The following BMPR1B variants were observed in gnomAD, a reference collection of about 807,000 sequenced individuals.
The protein encoded by BMPR1B is bone morphogenetic protein receptor type 1B.
In BMPR1B, 12 loss-of-function variants were observed where a neutral mutation model predicts 59.1. The observed-to-expected ratio is 0.20, with a 90% confidence interval of 0.13 to 0.33. The LOEUF (loss-of-function observed/expected upper bound fraction) is 0.33. BMPR1B is among the 10% of genes least tolerant of loss of function. BMPR1B has a pLI of 1.00. For missense variants in BMPR1B, 550 were observed against 610.9 expected (o/e 0.90, Z 1.05); for synonymous variants, 237 against 207.3 (o/e 1.14, Z -1.23).
intron 2 of BMPR1B, among the ~76,000 whole-genome samples, chr4:94,879,823 G>A (rs1189832512): frequency 6.6e-6 from 1 of 152,026 alleles, no homozygotes; most frequent in African/African-American, 2.4e-5. Flanking sequence ...ATACTACACA[G>A]TGAAAAATCA....
At chr4:95,102,921 G>A (rs1028607697) in intron 3 of BMPR1B, among the ~76,000 whole-genome samples, 1 of 152,090 alleles carries the variant, frequency 6.6e-6, no homozygotes, top group Middle Eastern at 3.4e-3. Context: ...TTCCTGGCTC[G>A]CCTCTGACCT....
At position 94,934,178 on chromosome 4, in the gene BMPR1B, C is replaced by T. The variant is rs10017715; in HGVS notation, c.-113+58278C>T. Among the ~76,000 whole-genome samples the T allele has an allele frequency of 7.4e-3, 1,125 of 152,210 alleles. 16 individuals are homozygous for T. The highest frequency in any genetic ancestry group is 0.026 in the African/African-American group (1,078 of 41,534). ...TATTTAGTCAAGTGTTCAATCTTCC[C>T]ATGAAATACTTCAGAGATTCATCAT... On this transcript the variant is annotated intron_variant, in intron 2 of 12. Coordinates refer to ENST00000515059, the MANE Select transcript of BMPR1B (RefSeq NM_001203.3).
intron 3 of BMPR1B, among the ~76,000 whole-genome samples, chr4:95,072,956 A>G (rs1728428933): frequency 6.6e-6 from 1 of 152,134 alleles, no homozygotes; most frequent in Non-Finnish European, 1.5e-5. Context: ...ATTTTCTTCA[A>G]ATTTGACCAA....
At chr4:94,965,421 A>G (rs933541865) in intron 2 of BMPR1B, among the ~76,000 whole-genome samples, 1 of 152,152 alleles carries the variant, frequency 6.6e-6, no homozygotes, top group African/African-American at 2.4e-5. Context: ...ATTTCTTATA[A>G]CTGGAGAAAT....
intron 8 of BMPR1B, among the ~76,000 whole-genome samples, chr4:95,127,020 G>T (rs898406817): frequency 2.3e-5 from 3 of 131,556 alleles, no homozygotes; most frequent in Non-Finnish European, 1.7e-5. Flanking sequence ...AAATAATATC[G>T]TAGGGCTGTT....
intron 2 of BMPR1B, among the ~76,000 whole-genome samples, chr4:94,932,945 A>G (rs1434342390): frequency 3.9e-5 from 6 of 152,098 alleles, no homozygotes; most frequent in African/African-American, 1.2e-4. Flanking sequence ...TCAAACTGCT[A>G]TAGTAGCTAC....
intron 2 of BMPR1B, among the ~76,000 whole-genome samples, chr4:94,976,888 C>T (rs193249846): frequency 4.6e-5 from 7 of 152,206 alleles, no homozygotes; most frequent in African/African-American, 4.8e-5. Flanking sequence ...TTGGCTCCTC[C>T]TGTTTGTTCT....
chr4:95,101,725 C>T (rs1249520759), intron 3 of BMPR1B, among the ~76,000 whole-genome samples: 1 of 152,128 alleles, frequency 6.6e-6, no homozygotes, highest in East Asian at 1.9e-4. Flanking sequence ...CTAACTTTCT[C>T]CTACAGTTTC....
chr4:94,794,597 A>G (rs1372781331), intron 1 of BMPR1B, among the ~76,000 whole-genome samples: 3 of 142,416 alleles, frequency 2.1e-5, no homozygotes, highest in Non-Finnish European at 4.6e-5. Context: ...TGAATCTGTA[A>G]ATTACCTTGG....
chr4:94,767,168 T>C (rs182637843), intron 1 of BMPR1B, among the ~76,000 whole-genome samples: 3 of 152,286 alleles, frequency 2.0e-5, no homozygotes, highest in Admixed American at 1.3e-4. Context: ...ATTTATATAA[T>C]GTTGAGATGA....
rs1379952887 is a variant in BMPR1B, at chr4:95,156,138, A to G, written c.*1465A>G. The G allele has an allele frequency of 6.6e-6, 1 of 152,094 alleles. No homozygotes were observed. The highest frequency in any genetic ancestry group is 6.5e-5 in the Admixed American group (1 of 15,282). The allele number at this position is 152,094 out of a possible 1,614,324, so 9.4% of individuals were successfully genotyped here. A position where few individuals can be genotyped will look rare whatever the true frequency, so the allele number is the denominator to read the frequency against. On this transcript the variant is annotated 3_prime_UTR_variant, in exon 13 of 13. Transcript: ENST00000515059. ...TTCTACAGGGTTTTAACTTTGGAGCAACATGAATAAAATCATCGAGAAGGC... is the reference window on the plus strand; with the variant it reads ...TTCTACAGGGTTTTAACTTTGGAGCGACATGAATAAAATCATCGAGAAGGC...
chr4:94,855,051 A>C (rs1009312234), intron 1 of BMPR1B, among the ~76,000 whole-genome samples: 10 of 152,202 alleles, frequency 6.6e-5, no homozygotes, highest in Non-Finnish European at 1.5e-4. Context: ...GTGCAAAAAA[A>C]TTGTAAACAA....
chr4:95,069,566 A>C (rs1051815578), intron 3 of BMPR1B, among the ~76,000 whole-genome samples: 3 of 151,882 alleles, frequency 2.0e-5, no homozygotes, highest in Non-Finnish European at 2.9e-5. Flanking sequence ...AATCATGACT[A>C]CTCCCAATAA....
intron 3 of BMPR1B, among the ~76,000 whole-genome samples, chr4:95,042,823 T>C (rs534840949): frequency 4.7e-4 from 71 of 152,172 alleles, no homozygotes; most frequent in Non-Finnish European, 9.6e-4. Flanking sequence ...CTGGTTCAGT[T>C]TCTTGCCTGA....
chr4:94,795,610 T>C (rs926808521), intron 1 of BMPR1B, among the ~76,000 whole-genome samples: 1 of 151,926 alleles, frequency 6.6e-6, no homozygotes, highest in Non-Finnish European at 1.5e-5. Context: ...ATTATAGGTG[T>C]GTACCACCAC....
chr4:94,948,320 T>C (rs1164024651), intron 2 of BMPR1B, among the ~76,000 whole-genome samples: 4 of 152,126 alleles, frequency 2.6e-5, no homozygotes, highest in African/African-American at 9.7e-5. Context: ...TTCAGAAGCA[T>C]GAAGAGATAC....
intron 2 of BMPR1B, among the ~76,000 whole-genome samples, chr4:94,930,157 C>T (rs1474585903): frequency 1.3e-5 from 2 of 152,092 alleles, no homozygotes; most frequent in Admixed American, 1.3e-4. Flanking sequence ...ACCTTCTAGT[C>T]TGTTTTATAT....
intron 1 of BMPR1B, among the ~76,000 whole-genome samples, chr4:94,873,473 C>A (rs1336931195): frequency 6.7e-6 from 1 of 150,160 alleles, no homozygotes; most frequent in African/African-American, 2.5e-5. Flanking sequence ...GTGGCGCGAT[C>A]TCGGCTCACT....
At chr4:95,106,072 G>A (rs1011769496) in intron 4 of BMPR1B, among the ~76,000 whole-genome samples, 6 of 151,944 alleles carry the variant, frequency 3.9e-5, no homozygotes, top group Non-Finnish European at 8.8e-5. Flanking sequence ...TATCTGCAGT[G>A]GAAATTCTGT....
Sources: gnomAD v4.1 joint callset for allele counts (sites outside exome capture counted in the v4.1 genomes callset) on GRCh38, gnomAD v4.1.1 for gene constraint, MANE v1.5 for transcripts, NCBI Gene and HGNC (gene_info 2026-07-23, HGNC 2026-07-21) for gene names.